STT3B: variants seen among roughly 807,000 people sequenced by gnomAD.
STT3B encodes dolichyl-diphosphooligosaccharide--protein glycosyltransferase subunit STT3B.
STT3B carries 29 observed loss-of-function variants against 96.8 expected under a neutral mutation model. That is an observed-to-expected ratio of 0.30 (90% CI 0.22 to 0.41). STT3B has a LOEUF of 0.41. Among genes scored for constraint, STT3B ranks in the 10% least tolerant of loss-of-function variants. The pLI, the probability that STT3B is intolerant of heterozygous loss-of-function variation, is 1.00. For synonymous variants in STT3B, 367 were observed against 360.0 expected, an observed-to-expected ratio of 1.02 and a Z score of -0.22; for missense variants, 640 against 1,022.3, an observed-to-expected ratio of 0.63 and a Z score of 5.10.
At position 31,532,996 on chromosome 3, in the gene STT3B, A is replaced by G. The variant is rs1033747524; in HGVS notation, c.-3A>G. ...AGAGCTAGACCCGCCGCCGGGGCAC[A>G]ACATGGCGGAGCCCTCGGCCCCGGA... is the stretch of plus-strand genomic sequence containing the variant. On this transcript the variant is annotated 5_prime_UTR_variant, in exon 1 of 16. Transcript: ENST00000295770. 7 of 1,587,718 alleles carry G rather than the reference A, an allele frequency of 4.4e-6. No individual in the cohort carries two copies. In the African/African-American group the frequency reaches 8.4e-5, roughly 19 times the overall value.
intron 1 of STT3B, among the ~76,000 whole-genome samples, chr3:31,559,528 T>C (rs946361900): frequency 4.6e-5 from 7 of 152,088 alleles, no homozygotes; most frequent in East Asian, 1.9e-4. Flanking sequence ...CCTCTTGTTA[T>C]TGATTTCTCA....
At chr3:31,614,566 TTTAA>T (rs1699261593) in intron 5 of STT3B, among the ~76,000 whole-genome samples, 1 of 151,984 alleles carries the variant, frequency 6.6e-6, no homozygotes, top group African/African-American at 2.4e-5. Flanking sequence ...TACTTAGTTC[TTTAA>T]TTACAGAAAA....
chr3:31,534,406 CCT>C (rs967902160), intron 1 of STT3B, among the ~76,000 whole-genome samples: 17 of 152,196 alleles, frequency 1.1e-4, no homozygotes, highest in African/African-American at 2.2e-4. Flanking sequence ...GATTTTTCCC[CCT>C]GAGTTAGGAT....
intron 5 of STT3B, among the ~76,000 whole-genome samples, chr3:31,603,083 C>T (rs1289758215): frequency 6.6e-6 from 1 of 151,816 alleles, no homozygotes; most frequent in Non-Finnish European, 1.5e-5. Context: ...TTCTCTCTCC[C>T]CTTGAGCAGA....
At chr3:31,572,046 A>AATATATATTAATATATGATATATTG (rs1172824801) in intron 1 of STT3B, among the ~76,000 whole-genome samples, 1 of 137,896 alleles carries the variant, frequency 7.3e-6, no homozygotes, top group Non-Finnish European at 1.6e-5. Context: ...ATGATATATT[A>AATATATATTAATATATGATATATTG]ATATATCATA....
rs1273081584 is a variant in STT3B at position 31,636,116 on chromosome 3, C to T, written c.*52C>T. ...AGCAGTTGTCCTTGTGAGAACCGGT[C>T]TTTGCCTTTAGCTCATGTCGTGTTT... On this transcript the variant is annotated 3_prime_UTR_variant, in exon 16 of 16. Transcript: ENST00000295770. 1.4e-6 allele frequency: 2 copies of T among 1,393,646 alleles called. No homozygotes were observed. Among genetic ancestry groups the T allele is most frequent in the Non-Finnish European group, 2.0e-6 (2 of 1,013,756 alleles). The allele number at this position is 1,393,646 out of a possible 1,614,324, so 86.3% of individuals were successfully genotyped here.
intron 5 of STT3B, among the ~76,000 whole-genome samples, chr3:31,605,994 C>T (rs141816604): frequency 4.3e-4 from 66 of 152,272 alleles, no homozygotes; most frequent in Non-Finnish European, 8.1e-4. Context: ...GTAAAGGTGA[C>T]TCTTGGTATG....
At chr3:31,633,264 C>G in intron 15 of STT3B, 117 bp downstream of exon 15, 1 of 871,276 alleles carries the variant, frequency 1.1e-6, no homozygotes, top group Non-Finnish European at 1.7e-6. Flanking sequence ...ACTATGGCTT[C>G]TATATTAATA....
chr3:31,593,216 T>C (rs1698704997), intron 3 of STT3B, among the ~76,000 whole-genome samples: 2 of 152,268 alleles, frequency 1.3e-5, no homozygotes, highest in Non-Finnish European at 2.9e-5. Flanking sequence ...CTTTTAATGA[T>C]ACTTTGCTCT....
At chr3:31,634,148 G>A (rs1186163247) in intron 15 of STT3B, among the ~76,000 whole-genome samples, 1 of 152,106 alleles carries the variant, frequency 6.6e-6, no homozygotes, top group Non-Finnish European at 1.5e-5. Context: ...GTCACATAGA[G>A]CTGACATTCA....
Position 31,533,268 on chromosome 3 carries a change from CG to C in STT3B, c.271del (p.Ala91ProfsTer33). 1 of 1,525,400 alleles carries C rather than the reference CG, an allele frequency of 6.6e-7. No individual in the cohort carries two copies. The highest frequency in any genetic ancestry group is 8.8e-7 in the Non-Finnish European group (1 of 1,136,968). 94.5% of individuals were successfully genotyped at this position (1,525,400 alleles called of 1,614,324 possible). On this transcript the variant is annotated frameshift_variant, in exon 1 of 16. Transcript: ENST00000295770. LOFTEE classifies it high-confidence loss of function. Reference protein sequence around the residue: ...WLAGFSSRLFAVIRFESIIHE... With the variant: ...WLAGFSSRLFXVIRFESIIHE... ...TTGCCGGCTTCAGCTCGCGCCTCTTCGCCGTCATCCGCTTCGAAAGCATCAT... is the reference window on the plus strand; with the variant it reads ...TTGCCGGCTTCAGCTCGCGCCTCTTCCCGTCATCCGCTTCGAAAGCATCAT...
Position 31,621,676 on chromosome 3 carries a change from G to A in STT3B, c.1328-421G>A, listed in dbSNP as rs192898223. On this transcript the variant is annotated intron_variant, in intron 9 of 15. Coordinates refer to ENST00000295770, the MANE Select transcript of STT3B (RefSeq NM_178862.3). ...TAATAACTTACGTTCTTCTCATCCC[G>A]TTTTTGTTTTAAAGCAGGTTTTATG... is the stretch of plus-strand genomic sequence containing the variant. Among the ~76,000 whole-genome samples, 105 of 152,076 alleles carry A rather than the reference G, an allele frequency of 6.9e-4. 2 individuals are homozygous for A. The highest frequency in any genetic ancestry group is 2.2e-3 in the African/African-American group (93 of 41,486).
At chr3:31,561,594 C>G (rs1433549438) in intron 1 of STT3B, among the ~76,000 whole-genome samples, 2 of 152,144 alleles carry the variant, frequency 1.3e-5, no homozygotes, top group African/African-American at 4.8e-5. Context: ...CTTCCCAGCC[C>G]CTGTTAACCA....
chr3:31,560,092 T>G (rs1047070603), intron 1 of STT3B, among the ~76,000 whole-genome samples: 4 of 152,154 alleles, frequency 2.6e-5, no homozygotes, highest in African/African-American at 9.6e-5. Flanking sequence ...TGAGATAAGT[T>G]TCTTGTAGGC....
chr3:31,570,118 G>A (rs1382334525), intron 1 of STT3B, among the ~76,000 whole-genome samples: 1 of 152,044 alleles, frequency 6.6e-6, no homozygotes, highest in African/African-American at 2.4e-5. Context: ...AAAAAAATAT[G>A]TAAGTAGGGC....
rs182509040 is a variant in STT3B at position 31,602,793 on chromosome 3, T to C, written c.877+2334T>C. The stretch of plus-strand genomic sequence containing the variant: ...GGGATGTATGTGTGTATAAAGCTAA[T>C]GTTCATAATGTTCAAATTCTCCACT... On this transcript the variant is annotated intron_variant, in intron 5 of 15. Coordinates refer to ENST00000295770, the MANE Select transcript of STT3B (RefSeq NM_178862.3). 1.8e-3 allele frequency among the ~76,000 whole-genome samples: 270 copies of C among 151,792 alleles called. 1 individual carries two copies. The highest frequency in any genetic ancestry group is 6.1e-3 in the African/African-American group (253 of 41,422).
intron 1 of STT3B, among the ~76,000 whole-genome samples, chr3:31,544,365 T>C (rs1340134399): frequency 6.6e-6 from 1 of 152,226 alleles, no homozygotes; most frequent in Non-Finnish European, 1.5e-5. Flanking sequence ...AGCTTTGTTC[T>C]TGTCTAATTA....
chr3:31,622,005 A>T, intron 9 of STT3B, 92 bp from the exon 10 acceptor site: 1 of 753,772 alleles, frequency 1.3e-6, no homozygotes, highest in East Asian at 2.6e-5. Context: ...CATTTATATA[A>T]TTCCAGGTTG....
At chr3:31,618,869 A>G (rs1382261974) in intron 8 of STT3B, among the ~76,000 whole-genome samples, 1 of 152,048 alleles carries the variant, frequency 6.6e-6, no homozygotes, top group African/African-American at 2.4e-5. Context: ...CAGTTATATT[A>G]TAAAGTAATA....
Sources: allele counts gnomAD v4.1 joint callset (sites outside exome capture counted in the v4.1 genomes callset), GRCh38; gene constraint gnomAD v4.1.1; transcripts MANE v1.5; gene names NCBI Gene and HGNC (gene_info 2026-07-23, HGNC 2026-07-21).